Variants in LOXHD1 observed in about 807,000 individuals in gnomAD.
LOXHD1 encodes the protein lipoxygenase homology domain-containing protein 1.
In LOXHD1, 205 loss-of-function variants were observed where a neutral mutation model predicts 248.2. That is an observed-to-expected ratio of 0.83 (90% confidence interval 0.74 to 0.93). LOXHD1 has a LOEUF of 0.93. Ranked by LOEUF, LOXHD1 falls within the 40% of genes least tolerant of loss-of-function variation. The pLI is 0.00. For synonymous variants in LOXHD1, 1,113 were observed against 1,162.8 expected, an observed-to-expected ratio of 0.96 and a Z score of 0.87; for missense variants, 2,930 against 2,971.6, an observed-to-expected ratio of 0.99 and a Z score of 0.33.
intron 9 of LOXHD1, 26 bp downstream of exon 9, chr18:46,594,305 C>A: frequency 6.4e-7 from 1 of 1,551,240 alleles, no homozygotes; most frequent in Non-Finnish European, 8.7e-7. Context: ...TGAGAGGCCT[C>A]CAGGTTCTGG....
intron 5 of LOXHD1, among the ~76,000 whole-genome samples, chr18:46,613,444 G>A (rs1419010508): frequency 1.3e-5 from 2 of 151,612 alleles, no homozygotes; most frequent in African/African-American, 4.8e-5. Context: ...TCTTTCATTG[G>A]TTCTAATGGT....
chr18:46,551,293 C>T (rs142939387), intron 21 of LOXHD1, among the ~76,000 whole-genome samples: 7 of 151,862 alleles, frequency 4.6e-5, no homozygotes, highest in East Asian at 1.9e-4. Context: ...TTAGTAGATA[C>T]GGGGTTTCAC....
intron 29 of LOXHD1, among the ~76,000 whole-genome samples, 158 bp downstream of exon 29, chr18:46,529,019 G>A (rs1400364769): frequency 6.6e-6 from 1 of 152,038 alleles, no homozygotes; most frequent in Non-Finnish European, 1.5e-5. Flanking sequence ...GGGGAATAAG[G>A]CACACTTGCA....
chr18:46,602,412 G>A (rs1050066343), intron 7 of LOXHD1, among the ~76,000 whole-genome samples: 1 of 151,906 alleles, frequency 6.6e-6, no homozygotes, highest in African/African-American at 2.4e-5. Flanking sequence ...CACCATGTTG[G>A]CCAGACTGGT....
chr18:46,509,862 G>A, intron 34 of LOXHD1, 47 bp from the exon 35 acceptor site: 1 of 1,279,454 alleles, frequency 7.8e-7, no homozygotes, highest in Non-Finnish European at 1.1e-6. Context: ...TGGCCATTGG[G>A]GAGGGTTGGG....
rs1555653083 is a variant in LOXHD1 at position 46,483,614 on chromosome 18, G to T, written c.6314C>A (p.Thr2105Asn). 2 of 1,551,684 alleles carry T rather than the reference G, an allele frequency of 1.3e-6. No individual in the cohort carries two copies. The highest frequency in any genetic ancestry group is 1.7e-4 in the Middle Eastern group (1 of 5,992). ...RELAWHVKTI[T>N]ITEMEYGNVY... Reference sequence around the variant, plus strand: ...ATTGCCGTACTCCATCTCGGTGATGGTGATGGTCTTGACATGCCAGGCAAG... The same window carrying T: ...ATTGCCGTACTCCATCTCGGTGATGTTGATGGTCTTGACATGCCAGGCAAG... The change falls in exon 40 of 41, where the codon ACC becomes AAC. Residue 2105 changes from threonine to asparagine, a missense_variant. Physicochemically the swap from Thr to Asn is moderately conservative, Grantham distance 65 (BLOSUM62 0). Transcript: ENST00000642948.
At chr18:46,606,544 T>C (rs1465470286) in intron 6 of LOXHD1, among the ~76,000 whole-genome samples, 5 of 152,170 alleles carry the variant, frequency 3.3e-5, no homozygotes, top group African/African-American at 1.2e-4. Context: ...CTGTGTAGAA[T>C]TACCTTCAGG....
At chr18:46,538,625 T>A (rs2036424852) in intron 25 of LOXHD1, among the ~76,000 whole-genome samples, 1 of 152,190 alleles carries the variant, frequency 6.6e-6, no homozygotes, top group African/African-American at 2.4e-5. Context: ...AAGCACAGGC[T>A]TCAGAATTTG....
chr18:46,539,876 T>C (rs1315636040), intron 25 of LOXHD1, among the ~76,000 whole-genome samples: 1 of 152,234 alleles, frequency 6.6e-6, no homozygotes, highest in Non-Finnish European at 1.5e-5. Flanking sequence ...GTCTTGGCCC[T>C]TGAAAGGAGT....
At chr18:46,583,860 G>A (rs1210303134) in intron 12 of LOXHD1, among the ~76,000 whole-genome samples, 1 of 145,042 alleles carries the variant, frequency 6.9e-6, no homozygotes, top group African/African-American at 2.5e-5. Context: ...AAAAAAAAAT[G>A]AAAACAGTAT....
intron 16 of LOXHD1, among the ~76,000 whole-genome samples, chr18:46,567,023 T>C (rs1205034791): frequency 6.6e-6 from 1 of 152,216 alleles, no homozygotes; most frequent in Non-Finnish European, 1.5e-5. Context: ...CTTTTCTTTT[T>C]CCAATAACAC....
intron 15 of LOXHD1, among the ~76,000 whole-genome samples, chr18:46,571,197 G>A (rs996846714): frequency 5.9e-5 from 9 of 152,164 alleles, no homozygotes; most frequent in African/African-American, 9.7e-5. Context: ...GCCGGGTGCC[G>A]TGGCTCATGC....
At chr18:46,481,782 A>G (rs985766843) in intron 40 of LOXHD1, among the ~76,000 whole-genome samples, 2 of 152,164 alleles carry the variant, frequency 1.3e-5, no homozygotes, top group South Asian at 4.1e-4. Flanking sequence ...GGAAAATTCT[A>G]CAACTGAGGC....
intron 37 of LOXHD1, among the ~76,000 whole-genome samples, chr18:46,496,522 A>G (rs1186347000): frequency 6.6e-6 from 1 of 152,154 alleles, no homozygotes; most frequent in African/African-American, 2.4e-5. Context: ...TTGAAAAAAA[A>G]TTAAAATAAA....
intron 22 of LOXHD1, 113 bp from the exon 23 acceptor site, chr18:46,545,534 C>T (rs1426104085): frequency 1.2e-5 from 9 of 741,512 alleles, no homozygotes; most frequent in African/African-American, 8.7e-5. Flanking sequence ...CCCTCTACCC[C>T]ATCACTCCAA....
chr18:46,596,193 T>G (rs1255922623), intron 8 of LOXHD1, among the ~76,000 whole-genome samples: 1 of 131,862 alleles, frequency 7.6e-6, no homozygotes, highest in Admixed American at 7.8e-5. Flanking sequence ...ATTCATATAT[T>G]AAAAATGTTT....
intron 39 of LOXHD1, among the ~76,000 whole-genome samples, chr18:46,484,603 T>G (rs1038914010): frequency 6.6e-6 from 1 of 152,190 alleles, no homozygotes; most frequent in Non-Finnish European, 1.5e-5. Flanking sequence ...TATTCTGTTA[T>G]AGCAGTCAGA....
At chr18:46,630,866 A>G (rs1214151323) in intron 4 of LOXHD1, among the ~76,000 whole-genome samples, 2 of 152,240 alleles carry the variant, frequency 1.3e-5, no homozygotes. Flanking sequence ...CCAGTGCTAC[A>G]GGGACCTCAG....
chr18:46,566,596 C>T (rs1212836792), intron 16 of LOXHD1, 147 bp from the exon 17 acceptor site: 7 of 728,410 alleles, frequency 9.6e-6, no homozygotes, highest in Non-Finnish European at 1.4e-5. Context: ...AGCTGGAATC[C>T]CATTCCTGCC....
Sources: allele counts gnomAD v4.1 joint callset (sites outside exome capture counted in the v4.1 genomes callset), GRCh38; gene constraint gnomAD v4.1.1; transcripts MANE v1.5; gene names NCBI Gene and HGNC (gene_info 2026-07-23, HGNC 2026-07-21).